The following ASCC1 variants were observed in gnomAD, a reference collection of about 807,000 sequenced individuals.
The protein encoded by ASCC1 is ASC-1 complex subunit P50.
Under a neutral mutation model 46.6 loss-of-function variants are expected in ASCC1, and 35 were observed. That is an observed-to-expected ratio of 0.75 (90% CI 0.57 to 0.99). The LOEUF (loss-of-function observed/expected upper bound fraction) is 0.99. ASCC1 is among the 50% of genes least tolerant of loss of function. The pLI is 0.00. For missense variants in ASCC1, 376 were observed against 428.7 expected, an observed-to-expected ratio of 0.88 and a Z score of 1.09; for synonymous variants, 143 against 146.6, an observed-to-expected ratio of 0.98 and a Z score of 0.18.
intron 7 of ASCC1, among the ~76,000 whole-genome samples, chr10:72,144,749 T>C (rs747493266): frequency 4.6e-5 from 7 of 152,314 alleles, no homozygotes; most frequent in Admixed American, 6.5e-5. Context: ...ACTTCAATTC[T>C]AGAATTCCCC....
chr10:72,165,464 C>G (rs142920177), intron 5 of ASCC1, among the ~76,000 whole-genome samples: 11 of 152,332 alleles, frequency 7.2e-5, no homozygotes, highest in African/African-American at 2.4e-4. Context: ...AATCCTATCA[C>G]TGAACTGCAA....
intron 9 of ASCC1, among the ~76,000 whole-genome samples, chr10:72,115,183 T>C (rs578050967): frequency 1.3e-5 from 2 of 152,336 alleles, no homozygotes; most frequent in East Asian, 1.9e-4. Context: ...TAGTGTTCTA[T>C]TGATGCATAA....
intron 7 of ASCC1, among the ~76,000 whole-genome samples, chr10:72,142,792 G>A (rs779585479): frequency 6.6e-6 from 1 of 151,842 alleles, no homozygotes; most frequent in Non-Finnish European, 1.5e-5. Context: ...CTGATACTTC[G>A]TTTCCATTAC....
At chr10:72,130,294 G>C (rs919924730) in intron 8 of ASCC1, among the ~76,000 whole-genome samples, 4 of 152,176 alleles carry the variant, frequency 2.6e-5, no homozygotes, top group African/African-American at 7.2e-5. Context: ...AAATGTTCTA[G>C]AACTGATTGT....
chr10:72,187,845 C>A (rs1323317015), intron 5 of ASCC1, among the ~76,000 whole-genome samples: 1 of 150,712 alleles, frequency 6.6e-6, no homozygotes, highest in Non-Finnish European at 1.5e-5. Flanking sequence ...CCCAGCTACT[C>A]GAGAGGCTAA....
intron 5 of ASCC1, among the ~76,000 whole-genome samples, chr10:72,172,958 AT>A (rs1365089496): frequency 3.6e-5 from 5 of 137,622 alleles, no homozygotes; most frequent in Admixed American, 3.2e-4. Flanking sequence ...TATATTTTAT[AT>A]TTTTATATAT....
At chr10:72,216,096 T>C (rs1859232672) in intron 1 of ASCC1, 111 bp downstream of exon 1, 1 of 152,330 alleles carries the variant, frequency 6.6e-6, no homozygotes, top group South Asian at 2.1e-4. Flanking sequence ...CTCAGGCTGG[T>C]CCTGGGGGTG....
chr10:72,128,848 T>C (rs1845209645), intron 8 of ASCC1, among the ~76,000 whole-genome samples: 2 of 152,052 alleles, frequency 1.3e-5, no homozygotes. Flanking sequence ...AGAAAAAAAA[T>C]GTAACATCAT....
intron 9 of ASCC1, among the ~76,000 whole-genome samples, chr10:72,104,080 A>C (rs1382311635): frequency 6.6e-6 from 1 of 152,110 alleles, no homozygotes; most frequent in African/African-American, 2.4e-5. Flanking sequence ...GAGAGAAGAA[A>C]TCTTTCCTCT....
At position 72,107,190 on chromosome 10, in the gene ASCC1, G is replaced by GA. The variant is rs1003249974; in HGVS notation, c.958-9741dup. Among the ~76,000 whole-genome samples the GA allele has an allele frequency of 4.3e-3, 598 of 138,692 alleles. 5 individuals carry two copies. Among genetic ancestry groups the GA allele is most frequent in the African/African-American group, 0.014 (516 of 37,884 alleles). 91.0% of individuals were successfully genotyped at this position (138,692 alleles called of 152,430 possible). On this transcript the variant is annotated intron_variant, in intron 9 of 9. Coordinates refer to ENST00000672957, the MANE Select transcript of ASCC1 (RefSeq NM_001198800.3). ...CCAGACTAAAAATATAATCGATTTT[G>GA]AAAAAAAAAAAATCAAGGTTCTTCG...
chr10:72,142,813 T>C (rs1300763755), intron 7 of ASCC1, among the ~76,000 whole-genome samples: 10 of 152,162 alleles, frequency 6.6e-5, no homozygotes, highest in Admixed American at 6.6e-5. Flanking sequence ...ACATGTAGTA[T>C]ATAATTGCAT....
chr10:72,184,076 G>A (rs542643367), intron 5 of ASCC1, among the ~76,000 whole-genome samples: 6 of 151,968 alleles, frequency 3.9e-5, no homozygotes, highest in South Asian at 2.1e-4. Context: ...CCGGGGAGGC[G>A]GAGGTTGCAG....
chr10:72,102,866 T>A lies in ASCC1; in HGVS notation c.958-5416A>T, dbSNP rs908852353. ...GGCGGTCACCTGTAATCCCAGCTAC[T>A]TGGGAGGCTGAGGCAGGAGAATCAC... is the stretch of plus-strand genomic sequence containing the variant. On this transcript the variant is annotated intron_variant, in intron 9 of 9. Coordinates refer to ENST00000672957, the MANE Select transcript of ASCC1 (RefSeq NM_001198800.3). The A allele has an allele frequency of 2.6e-6, 1 of 380,466 alleles. No homozygotes were observed. The highest frequency in any genetic ancestry group is 3.4e-5 in the Admixed American group (1 of 29,220). 23.6% of individuals were successfully genotyped at this position (380,466 alleles called of 1,614,324 possible). A position where few individuals can be genotyped will look rare whatever the true frequency, so the allele number is the denominator to read the frequency against.
intron 5 of ASCC1, among the ~76,000 whole-genome samples, chr10:72,190,861 T>C (rs1395504561): frequency 6.6e-6 from 1 of 150,996 alleles, no homozygotes; most frequent in East Asian, 2.0e-4. Flanking sequence ...CTGGGCGTGG[T>C]GGCAGGTGCC....
chr10:72,111,485 T>C (rs536724366), intron 9 of ASCC1, among the ~76,000 whole-genome samples: 136 of 151,042 alleles, frequency 9.0e-4, no homozygotes, highest in Non-Finnish European at 3.0e-5. Flanking sequence ...AGACCCTATC[T>C]CAAAAAAAAA....
chr10:72,162,072 T>C (rs1439163436), intron 5 of ASCC1, among the ~76,000 whole-genome samples: 2 of 152,104 alleles, frequency 1.3e-5, no homozygotes, highest in Non-Finnish European at 2.9e-5. Context: ...ATGGCAGAAA[T>C]ATTTGCAAGT....
intron 4 of ASCC1, among the ~76,000 whole-genome samples, chr10:72,202,729 G>C (rs1202425102): frequency 6.6e-6 from 1 of 152,006 alleles, no homozygotes; most frequent in Non-Finnish European, 1.5e-5. Context: ...GTAAAAAATT[G>C]AGAGCACAAT....
intron 5 of ASCC1, among the ~76,000 whole-genome samples, chr10:72,184,250 AAAG>A (rs1189397755): frequency 1.4e-4 from 21 of 151,998 alleles, no homozygotes; most frequent in Admixed American, 1.2e-3. Flanking sequence ...AAAAAAAAAT[AAAG>A]AAGAGACAGA....
intron 9 of ASCC1, among the ~76,000 whole-genome samples, chr10:72,112,296 CATT>C (rs1843002681): frequency 2.0e-5 from 3 of 152,142 alleles, no homozygotes; most frequent in Admixed American, 2.0e-4. Context: ...ACCTTGAAAA[CATT>C]ATGCTGAGTG....
Sources: gnomAD v4.1 joint callset for allele counts (sites outside exome capture counted in the v4.1 genomes callset) on GRCh38, gnomAD v4.1.1 for gene constraint, MANE v1.5 for transcripts, NCBI Gene and HGNC (gene_info 2026-07-23, HGNC 2026-07-21) for gene names.